IL1RAPL1: variants seen among roughly 807,000 people sequenced by gnomAD.
IL1RAPL1 encodes the protein interleukin-1 receptor accessory protein-like 1.
In IL1RAPL1, 3 loss-of-function variants were observed where a neutral mutation model predicts 48.4. That is an observed-to-expected ratio of 0.06 (90% CI 0.03 to 0.16). The LOEUF (loss-of-function observed/expected upper bound fraction) is 0.16. Ranked by LOEUF, IL1RAPL1 falls within the 10% of genes least tolerant of loss-of-function variation. The probability of loss-of-function intolerance (pLI) is 1.00; values close to 1 mark genes in which losing one functional copy is unlikely to be tolerated. For missense variants in IL1RAPL1, 349 were observed against 530.6 expected, an observed-to-expected ratio of 0.66 and a Z score of 3.36; for synonymous variants, 185 against 187.7, an observed-to-expected ratio of 0.99 and a Z score of 0.12.
chrX:29,833,831 A>T (rs1370751374), intron 6 of IL1RAPL1, among the ~76,000 whole-genome samples: 1 of 111,498 alleles, frequency 9.0e-6, no homozygotes, highest in East Asian at 2.8e-4. Context: ...CCAAGTTTTG[A>T]GTCTATTTCT....
intron 3 of IL1RAPL1, among the ~76,000 whole-genome samples, chrX:29,358,195 CAA>C (rs764202319): frequency 2.7e-5 from 3 of 111,154 alleles, no homozygotes; most frequent in Non-Finnish European, 5.7e-5. Flanking sequence ...GGATAGGAGA[CAA>C]GAGGGCAGGA....
intron 2 of IL1RAPL1, among the ~76,000 whole-genome samples, chrX:29,217,767 TCTCTCTCTCTCA>T (rs1335905518): frequency 2.1e-4 from 15 of 71,184 alleles, no homozygotes; most frequent in African/African-American, 9.8e-4. Context: ...TCTCTCTCTC[TCTCTCTCTCTCA>T]CACACACACA....
At chrX:29,408,790 T>C (rs1436660084) in intron 5 of IL1RAPL1, among the ~76,000 whole-genome samples, 2 of 112,222 alleles carry the variant, frequency 1.8e-5, no homozygotes, top group African/African-American at 3.2e-5. Flanking sequence ...TAAGTGGCTT[T>C]ATCAAGGTCA....
At chrX:29,363,150 A>G (rs933958951) in intron 3 of IL1RAPL1, among the ~76,000 whole-genome samples, 1 of 111,645 alleles carries the variant, frequency 9.0e-6, no homozygotes, top group African/African-American at 3.3e-5. Flanking sequence ...CCTGAAAATG[A>G]AGTATTTTGT....
intron 5 of IL1RAPL1, among the ~76,000 whole-genome samples, chrX:29,569,353 A>G (rs1157297375): frequency 1.8e-5 from 2 of 111,302 alleles, no homozygotes; most frequent in African/African-American, 6.5e-5. Context: ...CCAATCTCAG[A>G]GAGCCTGAGA....
chrX:29,674,720 A>G (rs1276235423), intron 6 of IL1RAPL1, among the ~76,000 whole-genome samples: 1 of 110,624 alleles, frequency 9.0e-6, no homozygotes, highest in Non-Finnish European at 1.9e-5. Flanking sequence ...CTCTCCTCCC[A>G]CCTTCCACCC....
At chrX:29,827,812 G>C (rs994288279) in intron 6 of IL1RAPL1, among the ~76,000 whole-genome samples, 2 of 112,257 alleles carry the variant, frequency 1.8e-5, no homozygotes, top group Non-Finnish European at 3.8e-5. Context: ...GATTAAATGA[G>C]GTAGTATATG....
chrX:29,145,513 C>G (rs1929333976), intron 2 of IL1RAPL1, among the ~76,000 whole-genome samples: 1 of 112,183 alleles, frequency 8.9e-6, no homozygotes, highest in Admixed American at 9.5e-5. Context: ...AACTCTTACC[C>G]TTTCTATTTA....
intron 2 of IL1RAPL1, among the ~76,000 whole-genome samples, chrX:29,220,063 A>G (rs1602118557): frequency 8.9e-6 from 1 of 111,880 alleles, no homozygotes; most frequent in East Asian, 2.8e-4. Flanking sequence ...TTAATAAATC[A>G]ATGATAAGGT....
chrX:28,828,867 G>A (rs1208929330), intron 2 of IL1RAPL1, among the ~76,000 whole-genome samples: 2 of 111,474 alleles, frequency 1.8e-5, no homozygotes, highest in Non-Finnish European at 3.8e-5. Context: ...GGCACATCTT[G>A]TCAGTTTTGG....
chrX:28,957,766 C>T (rs1363057695), intron 2 of IL1RAPL1, among the ~76,000 whole-genome samples: 1 of 108,970 alleles, frequency 9.2e-6, no homozygotes, highest in Admixed American at 9.9e-5. Context: ...TCAAGACCAT[C>T]CTGACCAACA....
chrX:29,886,526 A>G lies in IL1RAPL1; in HGVS notation c.779-30938A>G, dbSNP rs150642914. 4.1e-3 allele frequency among the ~76,000 whole-genome samples: 463 copies of G among 112,402 alleles called. 2 individuals carry two copies. The highest frequency in any genetic ancestry group is 0.014 in the African/African-American group (430 of 31,019). ...AATTATAATCAAGTGAGGAAAAGCT[A>G]TTATTGATACTCATTCAGAATTTCA... On this transcript the variant is annotated intron_variant, in intron 6 of 10. Transcript: ENST00000378993.
chrX:28,912,537 A>G (rs1399676455), intron 2 of IL1RAPL1, among the ~76,000 whole-genome samples: 1 of 111,146 alleles, frequency 9.0e-6, no homozygotes, highest in Non-Finnish European at 1.9e-5. Flanking sequence ...ATCCATGTAT[A>G]TAATGTCTGT....
At chrX:28,789,548 T>G in intron 2 of IL1RAPL1, 123 bp downstream of exon 2, 1 of 537,741 alleles carries the variant, frequency 1.9e-6, no homozygotes, top group Admixed American at 2.6e-5. Flanking sequence ...GGAGATATTG[T>G]AGATATTATG....
At chrX:28,669,345 G>A (rs904181683) in intron 1 of IL1RAPL1, among the ~76,000 whole-genome samples, 16 of 110,948 alleles carry the variant, frequency 1.4e-4, no homozygotes, top group African/African-American at 4.3e-4. Flanking sequence ...AAGGCCGGGC[G>A]CAGTGGCTCA....
At chrX:28,786,858 A>T (rs1936481010) in intron 1 of IL1RAPL1, among the ~76,000 whole-genome samples, 1 of 112,278 alleles carries the variant, frequency 8.9e-6, no homozygotes, top group African/African-American at 3.2e-5. Context: ...GATTATGTAC[A>T]GTTTGTATTG....
intron 5 of IL1RAPL1, among the ~76,000 whole-genome samples, chrX:29,505,143 G>T (rs1031422385): frequency 9.0e-6 from 1 of 111,601 alleles, no homozygotes; most frequent in Non-Finnish European, 1.9e-5. Flanking sequence ...CTACATTTTA[G>T]CTACATCCCC....
At chrX:28,655,839 A>T (rs892317027) in intron 1 of IL1RAPL1, among the ~76,000 whole-genome samples, 2 of 111,911 alleles carry the variant, frequency 1.8e-5, no homozygotes, top group Admixed American at 9.5e-5. Flanking sequence ...GAATTTTAAA[A>T]TTACGTGAAT....
At chrX:29,538,078 A>G (rs2147781606) in intron 5 of IL1RAPL1, among the ~76,000 whole-genome samples, 1 of 109,792 alleles carries the variant, frequency 9.1e-6, no homozygotes, top group African/African-American at 3.3e-5. Context: ...CTCTGTATGG[A>G]TTTTAGAGAT....
Sources: allele counts gnomAD v4.1 joint callset (sites outside exome capture counted in the v4.1 genomes callset), GRCh38; gene constraint gnomAD v4.1.1; transcripts MANE v1.5; gene names NCBI Gene and HGNC (gene_info 2026-07-23, HGNC 2026-07-21).